ADCK1: variants seen among roughly 807,000 people sequenced by gnomAD.
ADCK1 encodes the protein aarF domain-containing protein kinase 1.
ADCK1 carries 41 observed loss-of-function variants against 52.3 expected under a neutral mutation model. The observed-to-expected ratio is 0.78, with a 90% CI of 0.61 to 1.02. The LOEUF (loss-of-function observed/expected upper bound fraction) is 1.02. ADCK1 is among the 50% of genes least tolerant of loss of function. The probability of loss-of-function intolerance (pLI) is 0.00; values close to 1 mark genes in which losing one functional copy is unlikely to be tolerated. For missense variants in ADCK1, 658 were observed against 679.5 expected, an observed-to-expected ratio of 0.97 and a Z score of 0.35; for synonymous variants, 250 against 274.6, an observed-to-expected ratio of 0.91 and a Z score of 0.89.
At chr14:77,875,463 G>A (rs1316055940) in intron 4 of ADCK1, among the ~76,000 whole-genome samples, 1 of 150,668 alleles carries the variant, frequency 6.6e-6, no homozygotes, top group Non-Finnish European at 1.5e-5. Flanking sequence ...AGGCTGAACA[G>A]CCTACGGTCC....
At chr14:77,820,665 TGTGTA>T (rs1490219807) in intron 2 of ADCK1, among the ~76,000 whole-genome samples, 2 of 151,296 alleles carry the variant, frequency 1.3e-5, no homozygotes, top group Non-Finnish European at 2.9e-5. Flanking sequence ...TGTGTGTGTG[TGTGTA>T]TACACACATA....
At chr14:77,815,815 CTT>C (rs35299824) in intron 1 of ADCK1, among the ~76,000 whole-genome samples, 19 of 121,756 alleles carry the variant, frequency 1.6e-4, no homozygotes, top group Middle Eastern at 4.8e-3. Flanking sequence ...CCGCACCTGG[CTT>C]TTTTTTTTTT....
At chr14:77,888,196 CA>C in intron 5 of ADCK1, among the ~76,000 whole-genome samples, 1 of 152,168 alleles carries the variant, frequency 6.6e-6, no homozygotes, top group East Asian at 1.9e-4. Context: ...TTGAGATAGC[CA>C]GGCAGCGGAA....
intron 5 of ADCK1, among the ~76,000 whole-genome samples, chr14:77,896,351 G>A (rs964003476): frequency 2.0e-5 from 3 of 152,206 alleles, no homozygotes; most frequent in Non-Finnish European, 4.4e-5. Flanking sequence ...GCATATCCAC[G>A]TCTGGCCTAT....
intron 4 of ADCK1, among the ~76,000 whole-genome samples, chr14:77,875,532 C>T (rs1470589430): frequency 1.3e-5 from 2 of 151,980 alleles, no homozygotes; most frequent in South Asian, 2.1e-4. Flanking sequence ...CTAATGAGAG[C>T]TCTGGGGTGT....
chr14:77,850,548 T>C (rs2082260667), intron 3 of ADCK1, among the ~76,000 whole-genome samples: 1 of 152,198 alleles, frequency 6.6e-6, no homozygotes, highest in South Asian at 2.1e-4. Context: ...ATGAAATAAT[T>C]TTCTTTATCC....
Position 77,864,260 on chromosome 14 carries a change from G to T in ADCK1, c.423+4981G>T, listed in dbSNP as rs1566679654. Among the ~76,000 whole-genome samples the T allele has an allele frequency of 2.0e-5, 3 of 152,202 alleles. No homozygotes were observed. The East Asian group carries it at 5.8e-4, about 29-fold the overall frequency. On this transcript the variant is annotated intron_variant, in intron 4 of 10. Transcript: ENST00000238561. ...CCAGTTGTTTTGTAAGAGCCTGTGG[G>T]TGCAGTGGGAGGGCAGCTTGTCTTG...
intron 4 of ADCK1, among the ~76,000 whole-genome samples, chr14:77,866,606 C>T (rs967247007): frequency 4.6e-5 from 7 of 152,162 alleles, no homozygotes; most frequent in Non-Finnish European, 1.0e-4. Context: ...TCTTGGTCTC[C>T]AGGCAGGGCT....
intron 5 of ADCK1, among the ~76,000 whole-genome samples, chr14:77,891,800 G>A (rs949225143): frequency 2.0e-5 from 3 of 152,194 alleles, no homozygotes; most frequent in African/African-American, 4.8e-5. Flanking sequence ...ACTGGGCTTC[G>A]TCTCTGGTGG....
intron 6 of ADCK1, among the ~76,000 whole-genome samples, chr14:77,899,856 G>A (rs2083492549): frequency 6.6e-6 from 1 of 152,086 alleles, no homozygotes; most frequent in South Asian, 2.1e-4. Context: ...GATCACCTGA[G>A]GTCAGGAGTT....
intron 6 of ADCK1, among the ~76,000 whole-genome samples, chr14:77,907,242 G>A (rs2083687348): frequency 6.6e-6 from 1 of 152,182 alleles, no homozygotes; most frequent in Non-Finnish European, 1.5e-5. Context: ...CATCTCTAGG[G>A]AAGAGGAGGG....
At chr14:77,901,977 G>A (rs2083557931) in intron 6 of ADCK1, among the ~76,000 whole-genome samples, 1 of 152,184 alleles carries the variant, frequency 6.6e-6, no homozygotes, top group Non-Finnish European at 1.5e-5. Flanking sequence ...AGCTCCATGT[G>A]CAGGTTCTAG....
chr14:77,899,397 ATCACTG>A lies in ADCK1; in HGVS notation c.741+140_741+145del, dbSNP rs2083481822. ...AGTCCTCTTACTGAGGATGAATGAC[ATCACTG>A]GTGATGTGCATTAAATCACTTGAAG... On this transcript the variant is annotated intron_variant, in intron 6 of 10. Transcript: ENST00000238561. 1.0e-5 allele frequency: 12 copies of A among 1,152,244 alleles called. No homozygotes were observed. In the South Asian group the frequency reaches 1.8e-4, roughly 18 times the overall value. The allele number at this position is 1,152,244 out of a possible 1,614,324, so 71.4% of individuals were successfully genotyped here.
At chr14:77,848,482 T>G (rs991836214) in intron 3 of ADCK1, among the ~76,000 whole-genome samples, 1 of 152,212 alleles carries the variant, frequency 6.6e-6, no homozygotes, top group Non-Finnish European at 1.5e-5. Context: ...ATTTATTTAC[T>G]TAAGATGGAG....
rs759051550 is a variant in ADCK1, at chr14:77,887,189, C to T, written c.522C>T (p.Ala174=). 8.7e-6 allele frequency: 14 copies of T among 1,610,442 alleles called. No individual in the cohort carries two copies. Among genetic ancestry groups the T allele is most frequent in the Middle Eastern group, 3.3e-4 (2 of 6,050 alleles). ...TGCTGCATGATGGGCGGACGGTGGC[C>T]GTGAAGGTCCAGCACCCAAAGGTGC... is the stretch of plus-strand genomic sequence containing the variant. ...KAVLHDGRTV[A]VKVQHPKVRA... The change falls in exon 5 of 11, where the codon GCC becomes GCT. Residue 174 remains alanine, a synonymous_variant. Coordinates refer to ENST00000238561, the MANE Select transcript of ADCK1 (RefSeq NM_020421.4).
intron 7 of ADCK1, among the ~76,000 whole-genome samples, chr14:77,919,432 T>A (rs1304373887): frequency 6.6e-6 from 1 of 152,258 alleles, no homozygotes; most frequent in Non-Finnish European, 1.5e-5. Flanking sequence ...TTCCTTTTTA[T>A]GGCTGAGTGG....
rs1383588607 is a variant in ADCK1, at chr14:77,924,526, C to T, written c.928C>T (p.His310Tyr). ...FVNGFVHCDP[H>Y]PGNVLVRKHP... ...CAATGGCTTCGTGCACTGCGATCCC[C>T]ACCCCGGCAATGTACTGGTGCGGAA... The change falls in exon 8 of 11, where the codon CAC becomes TAC. Residue 310 changes from histidine (H) to tyrosine (Y), a missense_variant. Physicochemically the swap from His to Tyr is moderately conservative, Grantham distance 83 (BLOSUM62 2). Transcript: ENST00000238561. 1.2e-6 allele frequency: 2 copies of T among 1,614,022 alleles called. No homozygotes were observed. The highest frequency in any genetic ancestry group is 1.3e-5 in the African/African-American group (1 of 74,958).
chr14:77,855,639 C>A (rs11159298), intron 3 of ADCK1, among the ~76,000 whole-genome samples: 63,764 of 151,990 alleles, frequency 0.42, 14,325 homozygotes, highest in Admixed American at 0.53. Context: ...AGAGACCTTG[C>A]GGACAGTGTG....
intron 4 of ADCK1, among the ~76,000 whole-genome samples, chr14:77,871,487 A>G (rs1426587192): frequency 6.6e-6 from 1 of 152,024 alleles, no homozygotes; most frequent in Non-Finnish European, 1.5e-5. Flanking sequence ...CCTCCCAAGT[A>G]GCTGGGATTA....
Sources: allele counts gnomAD v4.1 joint callset (sites outside exome capture counted in the v4.1 genomes callset), GRCh38; gene constraint gnomAD v4.1.1; transcripts MANE v1.5; gene names NCBI Gene and HGNC (gene_info 2026-07-23, HGNC 2026-07-21).